ENAH: variants seen among roughly 807,000 people sequenced by gnomAD.
The protein encoded by ENAH is ENAH actin regulator.
ENAH carries 23 observed loss-of-function variants against 78.7 expected under a neutral mutation model. The ratio of observed to expected loss-of-function variants is 0.29; its 90% confidence interval spans 0.21 to 0.41. ENAH has a LOEUF of 0.41. ENAH is among the 10% of genes least tolerant of loss of function. The pLI, the probability that ENAH is intolerant of heterozygous loss-of-function variation, is 1.00. For synonymous variants in ENAH, 226 were observed against 241.0 expected, an observed-to-expected ratio of 0.94 and a Z score of 0.58; for missense variants, 544 against 691.0, an observed-to-expected ratio of 0.79 and a Z score of 2.39.
At chr1:225,651,976 C>G (rs1663103881) in intron 1 of ENAH, among the ~76,000 whole-genome samples, 1 of 152,098 alleles carries the variant, frequency 6.6e-6, no homozygotes, top group Non-Finnish European at 1.5e-5. Context: ...GAGTACAGAG[C>G]AAAGGGAAAA....
chr1:225,534,364 A>G (rs1161086166), intron 3 of ENAH, among the ~76,000 whole-genome samples: 1 of 152,136 alleles, frequency 6.6e-6, no homozygotes, highest in Non-Finnish European at 1.5e-5. Context: ...ACAATCCTAA[A>G]ATATAACTTT....
At chr1:225,508,954 A>T (rs1248569774) in intron 10 of ENAH, among the ~76,000 whole-genome samples, 2 of 151,720 alleles carry the variant, frequency 1.3e-5, no homozygotes, top group Non-Finnish European at 2.9e-5. Context: ...ATAAACTCAC[A>T]CTCTTCCATG....
At chr1:225,610,013 T>C (rs2096979651) in intron 1 of ENAH, among the ~76,000 whole-genome samples, 1 of 152,128 alleles carries the variant, frequency 6.6e-6, no homozygotes, top group Admixed American at 6.5e-5. Flanking sequence ...AAATTATTAA[T>C]ATGTACATGT....
intron 1 of ENAH, among the ~76,000 whole-genome samples, chr1:225,632,947 T>C (rs868121317): frequency 9.2e-5 from 14 of 152,306 alleles, no homozygotes; most frequent in Middle Eastern, 3.4e-3. Context: ...AATGAAGACA[T>C]GTTCCCTGTA....
Position 225,514,899 on chromosome 1 carries a change from G to A in ENAH, c.915C>T (p.Gly305=). The A allele has an allele frequency of 6.2e-7, 1 of 1,610,126 alleles. No individual in the cohort carries two copies. Among genetic ancestry groups the A allele is most frequent in the Non-Finnish European group, 8.5e-7 (1 of 1,178,562 alleles). Residue 305 remains glycine, a splice_region_variant and synonymous_variant, in exon 7 of 14, where the codon GGC becomes GGT. Coordinates refer to ENST00000366843, the MANE Select transcript of ENAH (RefSeq NM_018212.6). ...SQPAETPSQQ[G]IVLGPLAPPP... is the part of the protein sequence containing the mutation. ...GAGGTGCAAGTGGTCCCAAGACAAT[G>A]CCTGAGAGAGAGAAATGTTAAGTAA... is the stretch of plus-strand genomic sequence containing the variant.
In ENAH at chr1:225,553,189, G is replaced by T. The variant is rs1038454432; in HGVS notation, c.349+1717C>A. On this transcript the variant is annotated intron_variant, in intron 3 of 13. Coordinates refer to ENST00000366843, the MANE Select transcript of ENAH (RefSeq NM_018212.6). The stretch of plus-strand genomic sequence containing the variant: ...GCAGAGGTTGCAGTGAGCCAAGATC[G>T]CGTCACTGCACTCCAGCCTGGGCAA... Among the ~76,000 whole-genome samples the T allele has an allele frequency of 1.5e-4, 23 of 152,216 alleles. 1 individual carries two copies. Among genetic ancestry groups the T allele is most frequent in the African/African-American group, 5.5e-4 (23 of 41,540 alleles).
At chr1:225,610,071 A>T (rs1357362215) in intron 1 of ENAH, among the ~76,000 whole-genome samples, 1 of 151,996 alleles carries the variant, frequency 6.6e-6, no homozygotes, top group Non-Finnish European at 1.5e-5. Context: ...CTAATTTTTT[A>T]AAACCATGCT....
intron 1 of ENAH, among the ~76,000 whole-genome samples, chr1:225,591,209 C>A (rs1022271885): frequency 6.6e-6 from 1 of 152,224 alleles, no homozygotes; most frequent in Non-Finnish European, 1.5e-5. Context: ...TGGCTCATGC[C>A]TGTAATCCCA....
intron 1 of ENAH, among the ~76,000 whole-genome samples, chr1:225,578,937 T>C (rs1041370864): frequency 6.6e-6 from 1 of 152,224 alleles, no homozygotes; most frequent in Non-Finnish European, 1.5e-5. Context: ...GTGTTGATAC[T>C]AATAATACTA....
At chr1:225,552,006 C>T (rs941117823) in intron 3 of ENAH, among the ~76,000 whole-genome samples, 1 of 151,952 alleles carries the variant, frequency 6.6e-6, no homozygotes, top group Non-Finnish European at 1.5e-5. Context: ...TGAGAGGTGA[C>T]ATTATTGGGT....
At chr1:225,510,556 C>T (rs758129846) in intron 10 of ENAH, among the ~76,000 whole-genome samples, 1 of 151,930 alleles carries the variant, frequency 6.6e-6, no homozygotes, top group Non-Finnish European at 1.5e-5. Context: ...GAGTCCTATT[C>T]AGAGGGAAAA....
intron 2 of ENAH, among the ~76,000 whole-genome samples, chr1:225,557,637 A>G (rs2096673572): frequency 6.6e-6 from 1 of 152,168 alleles, no homozygotes; most frequent in South Asian, 2.1e-4. Flanking sequence ...CCTGGCCAAC[A>G]TGGTGAAACC....
chr1:225,627,760 C>G (rs942357166), intron 1 of ENAH, among the ~76,000 whole-genome samples: 2 of 152,156 alleles, frequency 1.3e-5, no homozygotes, highest in Non-Finnish European at 2.9e-5. Flanking sequence ...CTAATTAGCA[C>G]CCCTGGACAA....
intron 3 of ENAH, among the ~76,000 whole-genome samples, chr1:225,541,182 C>T (rs2096586545): frequency 1.3e-5 from 2 of 152,172 alleles, no homozygotes; most frequent in Non-Finnish European, 2.9e-5. Flanking sequence ...TGCCTGTAAT[C>T]CCAGCACTTT....
Position 225,554,903 on chromosome 1 carries a change from T to A in ENAH, c.349+3A>T. 1 of 1,524,692 alleles carries A rather than the reference T, an allele frequency of 6.6e-7. No individual in the cohort carries two copies. 94.4% of individuals were successfully genotyped at this position (1,524,692 alleles called of 1,614,324 possible). On this transcript the variant is annotated splice_donor_region_variant and intron_variant, in intron 3 of 13. Coordinates refer to ENST00000366843, the MANE Select transcript of ENAH (RefSeq NM_018212.6). ...AAATACAAATAAACCATGGGCACCT[T>A]ACCTGTTTCCTGTGAATTTAACACT...
chr1:225,570,031 C>T (rs1457091035), intron 1 of ENAH, among the ~76,000 whole-genome samples: 1 of 151,944 alleles, frequency 6.6e-6, no homozygotes, highest in Non-Finnish European at 1.5e-5. Flanking sequence ...CATGGGGAAA[C>T]CCTATCTCTA....
intron 3 of ENAH, among the ~76,000 whole-genome samples, chr1:225,534,634 A>C (rs573811248): frequency 1.3e-4 from 20 of 151,948 alleles, no homozygotes; most frequent in Admixed American, 5.2e-4. Flanking sequence ...TAATAACTTT[A>C]TCTCTCTCAT....
chr1:225,629,840 T>C (rs1256586325), intron 1 of ENAH, among the ~76,000 whole-genome samples: 1 of 152,138 alleles, frequency 6.6e-6, no homozygotes, highest in Non-Finnish European at 1.5e-5. Flanking sequence ...AAAAAGAAGA[T>C]CATAAATTTA....
Position 225,522,147 on chromosome 1 carries a change from A to G in ENAH, c.435-2582T>C, listed in dbSNP as rs2096474400. 2.0e-5 allele frequency among the ~76,000 whole-genome samples: 3 copies of G among 152,232 alleles called. No individual in the cohort carries two copies. The South Asian group carries it at 6.2e-4, about 32-fold the overall frequency. On this transcript the variant is annotated intron_variant, in intron 4 of 13. Coordinates refer to ENST00000366843, the MANE Select transcript of ENAH (RefSeq NM_018212.6). ...AAATTGGGACTTTCTGGACTGGCTA[A>G]TAAACTGGGTGGGTCTAGTTAGAGA...
Sources: allele counts gnomAD v4.1 joint callset (sites outside exome capture counted in the v4.1 genomes callset), GRCh38; gene constraint gnomAD v4.1.1; transcripts MANE v1.5; gene names NCBI Gene and HGNC (gene_info 2026-07-23, HGNC 2026-07-21).